IREB2: variants seen among roughly 807,000 people sequenced by gnomAD.
The protein encoded by IREB2 is iron-responsive element-binding protein 2.
In IREB2, 39 loss-of-function variants were observed where a neutral mutation model predicts 118.8. That is an observed-to-expected ratio of 0.33 (90% CI 0.25 to 0.43). The LOEUF (loss-of-function observed/expected upper bound fraction) is 0.43. Ranked by LOEUF, IREB2 falls within the 20% of genes least tolerant of loss-of-function variation. The pLI is 1.00. For synonymous variants in IREB2, 372 were observed against 392.2 expected, an observed-to-expected ratio of 0.95 and a Z score of 0.61; for missense variants, 900 against 1,147.3, an observed-to-expected ratio of 0.78 and a Z score of 3.11.
At chr15:78,471,988 G>T (rs1035786681) in intron 7 of IREB2, 64 bp downstream of exon 7, 1 of 1,268,556 alleles carries the variant, frequency 7.9e-7, no homozygotes, top group Admixed American at 2.5e-5. Context: ...CATTGTAAAA[G>T]AACATAAATT....
intron 4 of IREB2, 76 bp from the exon 5 acceptor site, chr15:78,466,195 A>G (rs2051278597): frequency 2.3e-6 from 2 of 884,394 alleles, no homozygotes; most frequent in Non-Finnish European, 1.8e-6. Context: ...AGCGTTGCTA[A>G]TGTGCGTTTT....
chr15:78,461,197 C>G (rs1285499733), intron 2 of IREB2, among the ~76,000 whole-genome samples: 2 of 152,202 alleles, frequency 1.3e-5, no homozygotes, highest in Non-Finnish European at 2.9e-5. Context: ...AACTCACTAT[C>G]TCTGCTTTTT....
intron 5 of IREB2, 79 bp from the exon 6 acceptor site, chr15:78,470,452 TA>T: frequency 2.5e-6 from 2 of 810,732 alleles, no homozygotes; most frequent in Non-Finnish European, 4.0e-6. Context: ...TATATATGCC[TA>T]AGAACGATGA....
chr15:78,463,349 G>C (rs2051228363), intron 3 of IREB2, among the ~76,000 whole-genome samples: 1 of 152,096 alleles, frequency 6.6e-6, no homozygotes, highest in Non-Finnish European at 1.5e-5. Context: ...GCTGAGGTGG[G>C]AGGATTACTT....
At chr15:78,492,092 A>T (rs1405185685) in intron 18 of IREB2, among the ~76,000 whole-genome samples, 1 of 152,220 alleles carries the variant, frequency 6.6e-6, no homozygotes, top group Non-Finnish European at 1.5e-5. Context: ...TCCCATCCTG[A>T]AGTAAAAATT....
intron 10 of IREB2, among the ~76,000 whole-genome samples, chr15:78,482,432 AC>A (rs1395511690): frequency 1.5e-4 from 23 of 152,352 alleles, no homozygotes; most frequent in African/African-American, 4.8e-4. Context: ...AACAAAAAAT[AC>A]GTTTCTTAAC....
chr15:78,473,947 C>T (rs1354719717), intron 8 of IREB2: 2 of 152,178 alleles, frequency 1.3e-5, no homozygotes, highest in East Asian at 3.8e-4. Context: ...CTTTCAAAAA[C>T]ATGGACTGTA....
chr15:78,458,099 G>GT (rs1261531595), intron 2 of IREB2, among the ~76,000 whole-genome samples: 3 of 152,030 alleles, frequency 2.0e-5, no homozygotes, highest in African/African-American at 7.2e-5. Context: ...GTGAGAAAAT[G>GT]TATCAACTTA....
intron 16 of IREB2, among the ~76,000 whole-genome samples, chr15:78,489,425 A>G (rs534150812): frequency 1.3e-5 from 2 of 152,354 alleles, no homozygotes; most frequent in South Asian, 2.1e-4. Context: ...ACATCATTGA[A>G]CAAAACACAA....
chr15:78,490,811 G>A, intron 18 of IREB2, 50 bp downstream of exon 18: 1 of 1,540,714 alleles, frequency 6.5e-7, no homozygotes, highest in Non-Finnish European at 8.9e-7. Flanking sequence ...GTTTCTTACT[G>A]ATTAAGAGGC....
chr15:78,460,270 C>A (rs1314206728), intron 2 of IREB2, among the ~76,000 whole-genome samples: 1 of 152,100 alleles, frequency 6.6e-6, no homozygotes, highest in Non-Finnish European at 1.5e-5. Flanking sequence ...AGCTGTAATT[C>A]TTCTATAACA....
At chr15:78,483,293 G>A in intron 10 of IREB2, 25 bp from the exon 11 acceptor site, 1 of 1,082,618 alleles carries the variant, frequency 9.2e-7, no homozygotes, top group Non-Finnish European at 1.4e-6. Flanking sequence ...CTAATTCCTT[G>A]TTCTTTCTCT....
Position 78,499,485 on chromosome 15 carries a change from T to G in IREB2, c.*1342T>G, listed in dbSNP as rs149383073. The stretch of plus-strand genomic sequence containing the variant: ...ACTGCAATTCAGAATTAGTTCACAT[T>G]GCATAAAGAATTACTTGTTGTAAGC... On this transcript the variant is annotated 3_prime_UTR_variant, in exon 22 of 22. Transcript: ENST00000258886. The G allele has an allele frequency of 2.6e-5, 4 of 152,332 alleles. No homozygotes were observed. Among genetic ancestry groups the G allele is most frequent in the African/African-American group, 9.6e-5 (4 of 41,588 alleles). 9.4% of individuals were successfully genotyped at this position (152,332 alleles called of 1,614,324 possible).
Position 78,499,850 on chromosome 15 carries a change from A to G in IREB2, c.*1707A>G, listed in dbSNP as rs1019523673. 4 of 152,196 alleles carry G rather than the reference A, an allele frequency of 2.6e-5. No individual in the cohort carries two copies. The highest frequency in any genetic ancestry group is 6.5e-5 in the Admixed American group (1 of 15,290). The allele number at this position is 152,196 out of a possible 1,614,324, so 9.4% of individuals were successfully genotyped here. A position where few individuals can be genotyped will look rare whatever the true frequency, so the allele number is the denominator to read the frequency against. Reference sequence around the variant, plus strand: ...AGATTGTGCAGGGGGAAACAAATCTATTTTGTTTTGTTTTGTTTTTTGAGA... The same window carrying G: ...AGATTGTGCAGGGGGAAACAAATCTGTTTTGTTTTGTTTTGTTTTTTGAGA... On this transcript the variant is annotated 3_prime_UTR_variant, in exon 22 of 22. Coordinates refer to ENST00000258886, the MANE Select transcript of IREB2 (RefSeq NM_004136.4).
chr15:78,480,488 G>A (rs574803539), intron 10 of IREB2, among the ~76,000 whole-genome samples: 1 of 151,800 alleles, frequency 6.6e-6, no homozygotes, highest in South Asian at 2.1e-4. Context: ...TTCACGACCA[G>A]CCTAGCCAAC....
rs147301484 is a variant in IREB2 at position 78,451,110 on chromosome 15, G to A, written c.106+11229G>A. 9.0e-3 allele frequency among the ~76,000 whole-genome samples: 1,370 copies of A among 151,694 alleles called. 19 individuals carry two copies. The highest frequency in any genetic ancestry group is 0.03 in the African/African-American group (1,242 of 41,320). On this transcript the variant is annotated intron_variant, in intron 2 of 21. Coordinates refer to ENST00000258886, the MANE Select transcript of IREB2 (RefSeq NM_004136.4). Reference sequence around the variant, plus strand: ...CTCCCGAGTAGCTGGGATTACAGGCGCCCACCACCACACCTGGCTAATTTT... The same window carrying A: ...CTCCCGAGTAGCTGGGATTACAGGCACCCACCACCACACCTGGCTAATTTT...
intron 11 of IREB2, among the ~76,000 whole-genome samples, chr15:78,484,074 C>T (rs1444723492): frequency 2.0e-5 from 3 of 152,024 alleles, no homozygotes; most frequent in Non-Finnish European, 4.4e-5. Context: ...CCATGAGCCA[C>T]CGCACCTGGC....
chr15:78,464,212 G>A (rs971688653), intron 3 of IREB2, among the ~76,000 whole-genome samples: 3 of 152,176 alleles, frequency 2.0e-5, no homozygotes, highest in African/African-American at 7.2e-5. Context: ...GGTTACAAAT[G>A]TTAAGTCGTA....
intron 21 of IREB2, 141 bp downstream of exon 21, chr15:78,497,452 C>CA: frequency 1.5e-6 from 1 of 657,046 alleles, no homozygotes; most frequent in Non-Finnish European, 2.6e-6. Context: ...CTCTTCCATA[C>CA]TTAGATCTAG....
Sources: allele counts gnomAD v4.1 joint callset (sites outside exome capture counted in the v4.1 genomes callset), GRCh38; gene constraint gnomAD v4.1.1; transcripts MANE v1.5; gene names NCBI Gene and HGNC (gene_info 2026-07-23, HGNC 2026-07-21).